SUPT3H: variants seen among roughly 807,000 people sequenced by gnomAD.
SUPT3H encodes SPT3 homolog, SAGA and STAGA complex component, also known as transcription initiation protein SPT3 homolog.
A neutral mutation model predicts 44.3 loss-of-function variants in SUPT3H; 44 were observed. The ratio of observed to expected loss-of-function variants is 0.99; its 90% confidence interval spans 0.78 to 1.28. The LOEUF (loss-of-function observed/expected upper bound fraction) is 1.28. SUPT3H is among the 50% of genes most tolerant of loss of function. The pLI is 0.00. For missense variants in SUPT3H, 380 were observed against 387.1 expected (o/e 0.98, Z 0.15); for synonymous variants, 124 against 125.6 (o/e 0.99, Z 0.09).
intron 10 of SUPT3H, among the ~76,000 whole-genome samples, chr6:44,883,986 G>A (rs1249202516): frequency 6.6e-6 from 1 of 152,120 alleles, no homozygotes; most frequent in African/African-American, 2.4e-5. Context: ...CAAAAGCAAT[G>A]ACAGCAAAAG....
intron 2 of SUPT3H, among the ~76,000 whole-genome samples, chr6:45,227,984 A>C (rs1027788893): frequency 2.0e-5 from 3 of 152,210 alleles, no homozygotes; most frequent in African/African-American, 7.2e-5. Context: ...GCAAAAAAAA[A>C]ACTACACTCA....
intron 1 of SUPT3H, among the ~76,000 whole-genome samples, chr6:45,376,399 A>G (rs1369884068): frequency 1.6e-4 from 24 of 152,208 alleles, no homozygotes; most frequent in Admixed American, 1.6e-3. Flanking sequence ...AGCTACCACT[A>G]GCCACATGTG....
In SUPT3H at chr6:45,069,270, G is replaced by A. The variant is rs139326315; in HGVS notation, c.186+36652C>T. On this transcript the variant is annotated intron_variant, in intron 3 of 10. Coordinates refer to ENST00000371459, the MANE Select transcript of SUPT3H (RefSeq NM_003599.4). ...AGGAACCAAAAACTTCATGCAGAAC[G>A]TGTTAAACAACATTCTAGGACTCTG... Among the ~76,000 whole-genome samples, 330 of 152,258 alleles carry A rather than the reference G, an allele frequency of 2.2e-3. 1 individual carries two copies. The highest frequency in any genetic ancestry group is 7.5e-3 in the African/African-American group (310 of 41,544).
intron 6 of SUPT3H, among the ~76,000 whole-genome samples, chr6:44,987,773 C>T (rs1255871405): frequency 1.3e-5 from 2 of 151,968 alleles, no homozygotes; most frequent in Admixed American, 6.6e-5. Flanking sequence ...GCTCTGGTAG[C>T]GTGTGAAAGT....
At chr6:45,057,606 T>C (rs1285999132) in intron 3 of SUPT3H, among the ~76,000 whole-genome samples, 1 of 152,200 alleles carries the variant, frequency 6.6e-6, no homozygotes, top group African/African-American at 2.4e-5. Context: ...ATGGCAGTAT[T>C]TATTTTGCTG....
chr6:44,992,356 G>A (rs532144812), intron 6 of SUPT3H, among the ~76,000 whole-genome samples: 1 of 152,096 alleles, frequency 6.6e-6, no homozygotes, highest in African/African-American at 2.4e-5. Flanking sequence ...ACAGCAGCCC[G>A]GTAAGGCCTG....
At chr6:45,340,133 T>C (rs1257204691) in intron 2 of SUPT3H, among the ~76,000 whole-genome samples, 2 of 152,200 alleles carry the variant, frequency 1.3e-5, no homozygotes, top group East Asian at 3.8e-4. Context: ...CAATTTCATC[T>C]GTAAAGGTGT....
intron 3 of SUPT3H, among the ~76,000 whole-genome samples, chr6:45,094,609 A>C (rs1797560501): frequency 6.6e-6 from 1 of 152,102 alleles, no homozygotes; most frequent in Non-Finnish European, 1.5e-5. Context: ...GGTGGGGAGA[A>C]TGTAGCATAA....
chr6:45,369,713 C>G lies in SUPT3H; in HGVS notation c.1-4412G>C, dbSNP rs111537379. Among the ~76,000 whole-genome samples the G allele has an allele frequency of 9.1e-3, 1,378 of 152,208 alleles. 14 individuals carry two copies. The highest frequency in any genetic ancestry group is 0.028 in the South Asian group (136 of 4,826). On this transcript the variant is annotated intron_variant, in intron 1 of 10. Transcript: ENST00000371459. The stretch of plus-strand genomic sequence containing the variant: ...CACCTACTACAGGCCAAACACCGTT[C>G]TAAGAGGTAGGGATATAGTAGTGAC...
At chr6:45,147,956 G>GA (rs1324090393) in intron 2 of SUPT3H, among the ~76,000 whole-genome samples, 1 of 152,012 alleles carries the variant, frequency 6.6e-6, no homozygotes, top group Non-Finnish European at 1.5e-5. Flanking sequence ...GATGATTACA[G>GA]AAAAAATTAA....
At chr6:44,964,122 A>T (rs1004003787) in intron 6 of SUPT3H, among the ~76,000 whole-genome samples, 5 of 152,194 alleles carry the variant, frequency 3.3e-5, no homozygotes, top group African/African-American at 9.6e-5. Context: ...GTCTCACTAT[A>T]GCAGGAACTA....
At chr6:45,067,856 C>T (rs1443135595) in intron 3 of SUPT3H, among the ~76,000 whole-genome samples, 4 of 146,776 alleles carry the variant, frequency 2.7e-5, no homozygotes, top group Non-Finnish European at 5.9e-5. Flanking sequence ...CACTTTTACA[C>T]TGTTGGTGGG....
rs115451784 is a variant in SUPT3H, at chr6:44,995,576, T to A, written c.504+8077A>T. On this transcript the variant is annotated intron_variant, in intron 6 of 10. Coordinates refer to ENST00000371459, the MANE Select transcript of SUPT3H (RefSeq NM_003599.4). ...AGCGCCTTCTCTAGATGAGAAAAAA[T>A]CAATGGTACATCTTTTTGCACAACA... Among the ~76,000 whole-genome samples, 603 of 152,164 alleles carry A rather than the reference T, an allele frequency of 4.0e-3. 7 individuals carry two copies. The highest frequency in any genetic ancestry group is 0.014 in the African/African-American group (582 of 41,546).
rs1212961362 is a variant in SUPT3H, at chr6:44,916,925, C to G, written c.912+15728G>C. ...CTGAGGCAGCTGGATCGCTTGAGTT[C>G]AGGAGTTCAAGGCTGTGGGTAACAT... is the stretch of plus-strand genomic sequence containing the variant. On this transcript the variant is annotated intron_variant, in intron 10 of 10. Coordinates refer to ENST00000371459, the MANE Select transcript of SUPT3H (RefSeq NM_003599.4). 2.0e-5 allele frequency among the ~76,000 whole-genome samples: 3 copies of G among 152,046 alleles called. No homozygotes were observed. In the East Asian group the frequency reaches 5.8e-4, roughly 29 times the overall value.
At chr6:45,128,929 G>T (rs1157714519) in intron 2 of SUPT3H, among the ~76,000 whole-genome samples, 4 of 152,080 alleles carry the variant, frequency 2.6e-5, no homozygotes, top group Admixed American at 1.3e-4. Flanking sequence ...CAAGTGATCC[G>T]CCTGCCTCGG....
intron 10 of SUPT3H, among the ~76,000 whole-genome samples, chr6:44,881,161 A>G (rs1005640370): frequency 6.6e-6 from 1 of 152,188 alleles, no homozygotes; most frequent in Non-Finnish European, 1.5e-5. Flanking sequence ...ATGTGCAAAG[A>G]CACAAAAAGG....
At chr6:45,303,455 G>A (rs1170740818) in intron 2 of SUPT3H, among the ~76,000 whole-genome samples, 1 of 152,062 alleles carries the variant, frequency 6.6e-6, no homozygotes, top group Non-Finnish European at 1.5e-5. Context: ...CAAAAAGTGG[G>A]CTAAGGACAT....
chr6:44,980,344 T>G (rs776800632), intron 6 of SUPT3H, among the ~76,000 whole-genome samples: 3 of 151,828 alleles, frequency 2.0e-5, no homozygotes, highest in Non-Finnish European at 4.4e-5. Flanking sequence ...TATAACAAAA[T>G]CATTTTTTTC....
intron 10 of SUPT3H, among the ~76,000 whole-genome samples, chr6:44,922,493 C>T (rs1049928779): frequency 1.3e-5 from 2 of 152,096 alleles, no homozygotes; most frequent in East Asian, 3.9e-4. Flanking sequence ...AAGTAAATCA[C>T]CTACAGTTCA....
Sources: gnomAD v4.1 joint callset for allele counts (sites outside exome capture counted in the v4.1 genomes callset) on GRCh38, gnomAD v4.1.1 for gene constraint, MANE v1.5 for transcripts, NCBI Gene and HGNC (gene_info 2026-07-23, HGNC 2026-07-21) for gene names.